The following CYTH4 variants were observed in gnomAD, a reference collection of about 807,000 sequenced individuals.
CYTH4 encodes the protein cytohesin-4.
CYTH4 carries 22 observed loss-of-function variants against 57.5 expected under a neutral mutation model. That is an observed-to-expected ratio of 0.38 (90% CI 0.27 to 0.55). The LOEUF (loss-of-function observed/expected upper bound fraction) is 0.55. Among genes scored for constraint, CYTH4 ranks in the 20% least tolerant of loss-of-function variants. The probability of loss-of-function intolerance (pLI) is 0.74; values close to 1 mark genes in which losing one functional copy is unlikely to be tolerated. For missense variants in CYTH4, 420 were observed against 535.6 expected, an observed-to-expected ratio of 0.78 and a Z score of 2.13; for synonymous variants, 186 against 206.5, an observed-to-expected ratio of 0.90 and a Z score of 0.85.
Position 37,311,057 on chromosome 22 carries a change from T to G in CYTH4, c.878T>G (p.Phe293Cys), listed in dbSNP as rs376748528. The stretch of plus-strand genomic sequence containing the variant: ...GACAACTGCCTCTACTACTTCGAGT[T>G]CACCACTGTGAGCAGGGTTCTCCTG... ...LTDNCLYYFE[F>C]TTDKEPRGII... The change falls in exon 10 of 13, where the codon TTC becomes TGC. Residue 293 changes from phenylalanine (F) to cysteine (C), a missense_variant. By Grantham distance (205) the Phe-to-Cys change is radical (BLOSUM62 -2). Coordinates refer to ENST00000248901, the MANE Select transcript of CYTH4 (RefSeq NM_013385.5). This position sits in a 1 kb window ranked among gnomAD's most constrained non-coding sequence, Gnocchi z 4.4. 5 of 1,614,140 alleles carry G rather than the reference T, an allele frequency of 3.1e-6. No individual in the cohort carries two copies. The highest frequency in any genetic ancestry group is 4.2e-6 in the Non-Finnish European group (5 of 1,180,000).
intron 4 of CYTH4, among the ~76,000 whole-genome samples, chr22:37,297,132 G>C (rs1342975980): frequency 2.0e-5 from 3 of 152,148 alleles, no homozygotes; most frequent in Non-Finnish European, 4.4e-5. Context: ...GATTGAGCTG[G>C]TTTTTCTAAC....
In CYTH4 at chr22:37,311,370, T is replaced by A; in HGVS notation, c.886-86T>A. On this transcript the variant is annotated intron_variant, in intron 10 of 12. Transcript: ENST00000248901. This position sits in a 1 kb window ranked among gnomAD's most constrained non-coding sequence, Gnocchi z 4.4. ...GAAGATGAGCACGCTCCTCTTTGAG[T>A]TTGGGGAACCCCACACGTTCACACC... 1 of 1,219,174 alleles carries A rather than the reference T, an allele frequency of 8.2e-7. No individual in the cohort carries two copies. Among genetic ancestry groups the A allele is most frequent in the Non-Finnish European group, 1.2e-6 (1 of 827,594 alleles). The allele number at this position is 1,219,174 out of a possible 1,614,324, so 75.5% of individuals were successfully genotyped here.
chr22:37,305,883 G>A (rs1259833783), intron 8 of CYTH4, among the ~76,000 whole-genome samples: 1 of 152,240 alleles, frequency 6.6e-6, no homozygotes, highest in Non-Finnish European at 1.5e-5. Flanking sequence ...GAGGTGCACA[G>A]TGGTAGTCAG....
At chr22:37,287,255 A>G (rs4325860) in intron 1 of CYTH4, among the ~76,000 whole-genome samples, 87,628 of 151,658 alleles carry the variant, frequency 0.58, 25,643 homozygotes, top group South Asian at 0.78. Context: ...ATGAAGCCCC[A>G]TGGGGACCAG....
At position 37,312,041 on chromosome 22, in the gene CYTH4, C is replaced by T; in HGVS notation, c.979C>T (p.Pro327Ser). ...KKPFCLELYNPSCRGQKIKAC... is the reference protein window; with the variant it reads ...KKPFCLELYNSSCRGQKIKAC... ...ACAGTTCTGCCTGGAGCTCTACAAC[C>T]CTAGCTGCCGAGGCCAGAAAATCAA... Residue 327 changes from proline to serine, a missense_variant, in exon 12 of 13, where the codon CCT becomes TCT. Physicochemically the swap from Pro to Ser is moderately conservative, Grantham distance 74. Transcript: ENST00000248901. 6.2e-7 allele frequency: 1 copy of T among 1,614,004 alleles called. No individual in the cohort carries two copies.
intron 8 of CYTH4, among the ~76,000 whole-genome samples, chr22:37,306,215 G>A (rs1467353544): frequency 6.6e-6 from 1 of 152,176 alleles, no homozygotes; most frequent in Non-Finnish European, 1.5e-5. Context: ...AAGAGGCACA[G>A]GAGATAAGGG....
At chr22:37,287,199 G>A (rs1928590514) in intron 1 of CYTH4, among the ~76,000 whole-genome samples, 1 of 152,142 alleles carries the variant, frequency 6.6e-6, no homozygotes, top group Non-Finnish European at 1.5e-5. Context: ...CAGAGGATGT[G>A]TGAATGATTC....
At chr22:37,310,234 C>G (rs1165949598) in intron 9 of CYTH4, among the ~76,000 whole-genome samples, 1 of 152,102 alleles carries the variant, frequency 6.6e-6, no homozygotes, top group Non-Finnish European at 1.5e-5. Flanking sequence ...CTGCCCCAGC[C>G]ACGTGCTGTC....
rs1929672585 is a variant in CYTH4, at chr22:37,312,194, G to A, written c.1112+20G>A. ...CATCCGGTAAGGGGTGCCCAGGTCT[G>A]GGGACGGCTTCCCGTCACCTTCCAG... On this transcript the variant is annotated intron_variant, in intron 12 of 12. Coordinates refer to ENST00000248901, the MANE Select transcript of CYTH4 (RefSeq NM_013385.5). 6 of 1,607,336 alleles carry A rather than the reference G, an allele frequency of 3.7e-6. No individual in the cohort carries two copies. The highest frequency in any genetic ancestry group is 1.3e-5 in the African/African-American group (1 of 74,824).
chr22:37,294,301 G>C (rs1182094262), intron 2 of CYTH4, among the ~76,000 whole-genome samples: 1 of 151,056 alleles, frequency 6.6e-6, no homozygotes, highest in African/African-American at 2.4e-5. Flanking sequence ...AGGCCGGCTT[G>C]TCGGGTAGGC....
chr22:37,310,601 T>C (rs1434252371), intron 9 of CYTH4, among the ~76,000 whole-genome samples: 2 of 152,230 alleles, frequency 1.3e-5, no homozygotes. Context: ...AGTAATATTT[T>C]TTGAAACCTC....
Position 37,309,898 on chromosome 22 carries a change from G to GAC in CYTH4, c.808+576_808+577insCA, listed in dbSNP as rs143338429. The GAC allele has an allele frequency of 3.6e-3, 1,439 of 399,456 alleles. 21 individuals are homozygous for GAC. The highest frequency in any genetic ancestry group is 0.026 in the African/African-American group (1,267 of 48,256). 24.7% of individuals were successfully genotyped at this position (399,456 alleles called of 1,614,324 possible). ...ACCCTGCAGAGAGCAGCTGGGGTGG[G>GAC]AGCTGCAGTAATAGTGGCTGTAGAG... On this transcript the variant is annotated intron_variant, in intron 9 of 12. Coordinates refer to ENST00000248901, the MANE Select transcript of CYTH4 (RefSeq NM_013385.5).
intron 8 of CYTH4, among the ~76,000 whole-genome samples, chr22:37,307,506 G>A (rs1016944555): frequency 2.0e-5 from 3 of 152,026 alleles, no homozygotes; most frequent in Non-Finnish European, 4.4e-5. Context: ...CACCCCCATA[G>A]CCCCACAGCC....
At chr22:37,284,559 C>T (rs1928479747) in intron 1 of CYTH4, among the ~76,000 whole-genome samples, 1 of 152,160 alleles carries the variant, frequency 6.6e-6, no homozygotes, top group Non-Finnish European at 1.5e-5. Context: ...GGTGACTTCC[C>T]CTCTCTGAGT....
intron 1 of CYTH4, among the ~76,000 whole-genome samples, chr22:37,290,085 A>G (rs942211913): frequency 3.3e-5 from 5 of 152,192 alleles, no homozygotes; most frequent in Non-Finnish European, 7.3e-5. Context: ...ATATGGGCTC[A>G]AGTACCAGCG....
chr22:37,312,323 T>C (rs1929677531), intron 12 of CYTH4, 149 bp downstream of exon 12: 1 of 1,160,808 alleles, frequency 8.6e-7, no homozygotes. Flanking sequence ...CCGTATTCCA[T>C]GGGTACTTTC....
chr22:37,307,456 G>A (rs950126494), intron 8 of CYTH4, among the ~76,000 whole-genome samples: 4 of 152,152 alleles, frequency 2.6e-5, no homozygotes, highest in African/African-American at 9.7e-5. Flanking sequence ...GGGGATGCAC[G>A]TAGGGGCTTC....
At chr22:37,296,137 G>C in intron 4 of CYTH4, 72 bp downstream of exon 4, 1 of 1,448,208 alleles carries the variant, frequency 6.9e-7, no homozygotes. Context: ...GTGTCCTCTC[G>C]CTCCCCTCGG....
At chr22:37,308,706 A>G (rs181707584) in intron 8 of CYTH4, among the ~76,000 whole-genome samples, 38 of 149,536 alleles carry the variant, frequency 2.5e-4, no homozygotes, top group African/African-American at 7.7e-4. Flanking sequence ...ATGTGTGAGC[A>G]TGCATGTGTG....
Sources: allele counts gnomAD v4.1 joint callset (sites outside exome capture counted in the v4.1 genomes callset), GRCh38; gene constraint gnomAD v4.1.1; non-coding constraint Gnocchi (gnomAD v3.1); transcripts MANE v1.5; gene names NCBI Gene and HGNC (gene_info 2026-07-23, HGNC 2026-07-21).